CATSPERE: variants seen among roughly 807,000 people sequenced by gnomAD.
CATSPERE encodes the protein catsper channel auxiliary subunit epsilon.
Under a neutral mutation model 114.1 loss-of-function variants are expected in CATSPERE, and 93 were observed. The ratio of observed to expected loss-of-function variants is 0.81; its 90% CI spans 0.69 to 0.97. The LOEUF is 0.97. Among genes scored for constraint, CATSPERE ranks in the 50% least tolerant of loss-of-function variants. CATSPERE has a pLI of 0.00. For synonymous variants in CATSPERE, 341 were observed against 384.1 expected (o/e 0.89, Z 1.31); for missense variants, 1,058 against 1,131.6 (o/e 0.93, Z 0.93).
intron 20 of CATSPERE, among the ~76,000 whole-genome samples, chr1:244,621,934 T>C (rs930016873): frequency 1.3e-5 from 2 of 152,212 alleles, no homozygotes; most frequent in Admixed American, 6.5e-5. Context: ...TCCAAAAAGT[T>C]CAACTTCCAA....
chr1:244,490,793 A>T (rs992929136), intron 6 of CATSPERE, among the ~76,000 whole-genome samples: 10 of 152,136 alleles, frequency 6.6e-5, no homozygotes, highest in Non-Finnish European at 1.0e-4. Context: ...TAAAATATTG[A>T]GCATCCATTC....
upstream of CATSPERE, among the ~76,000 whole-genome samples, chr1:244,453,792 G>A (rs1375806014): frequency 6.6e-6 from 1 of 151,940 alleles, no homozygotes; most frequent in Non-Finnish European, 1.5e-5. Context: ...AGTATCCTAG[G>A]TGCTGCCAAC....
chr1:244,621,304 TAAA>T (rs1573050489), intron 20 of CATSPERE, among the ~76,000 whole-genome samples: 3 of 64,174 alleles, frequency 4.7e-5, no homozygotes, highest in Non-Finnish European at 6.1e-5. Context: ...TATAAATATA[TAAA>T]TATATAAAAT....
intron 6 of CATSPERE, among the ~76,000 whole-genome samples, chr1:244,496,614 G>C (rs1029498501): frequency 1.3e-5 from 2 of 152,128 alleles, no homozygotes; most frequent in Non-Finnish European, 2.9e-5. Context: ...CTGAAGGAAA[G>C]GCATACTATT....
intron 8 of CATSPERE, among the ~76,000 whole-genome samples, chr1:244,535,942 C>G (rs1453209891): frequency 6.6e-6 from 1 of 151,856 alleles, no homozygotes; most frequent in Non-Finnish European, 1.5e-5. Context: ...TGCTTAGCTA[C>G]CTCTGCTGTT....
At chr1:244,484,820 G>T (rs116401062) in intron 5 of CATSPERE, among the ~76,000 whole-genome samples, 182 of 152,220 alleles carry the variant, frequency 1.2e-3, no homozygotes, top group Non-Finnish European at 2.3e-3. Context: ...CTTTAGGGAA[G>T]ATTTCTTAGT....
chr1:244,610,179 T>G, intron 18 of CATSPERE, 61 bp from the exon 19 acceptor site: 1 of 1,073,210 alleles, frequency 9.3e-7, no homozygotes, highest in Non-Finnish European at 1.4e-6. Context: ...CATTAAATAC[T>G]TAGGAATAAG....
chr1:244,621,378 A>G (rs1403565406), intron 20 of CATSPERE, among the ~76,000 whole-genome samples: 2 of 141,962 alleles, frequency 1.4e-5, no homozygotes, highest in Non-Finnish European at 3.0e-5. Flanking sequence ...ATCTACACTC[A>G]ATAGATTTAA....
chr1:244,550,473 C>T (rs1439085756), intron 8 of CATSPERE, among the ~76,000 whole-genome samples: 2 of 152,070 alleles, frequency 1.3e-5, no homozygotes, highest in South Asian at 2.1e-4. Flanking sequence ...TGCCCTGTCC[C>T]GTCCTGTTTA....
In CATSPERE at chr1:244,560,565, AT is replaced by A. The variant is rs531032197; in HGVS notation, c.1030-100del. Reference sequence around the variant, plus strand: ...TTCCCCAAAAACCTATTGAAAGAAAATTTAAAAAAATAAAAAATAAAATTTA... The same window carrying A: ...TTCCCCAAAAACCTATTGAAAGAAAATTAAAAAAATAAAAAATAAAATTTA... On this transcript the variant is annotated intron_variant, in intron 9 of 21. Coordinates refer to ENST00000366534, the MANE Select transcript of CATSPERE (RefSeq NM_001130957.2). 53 of 665,564 alleles carry A rather than the reference AT, an allele frequency of 8.0e-5. No individual in the cohort carries two copies. In the Admixed American group the frequency reaches 1.7e-3, roughly 21 times the overall value. 41.2% of individuals were successfully genotyped at this position (665,564 alleles called of 1,614,324 possible).
At chr1:244,486,989 C>G (rs1030594794) in intron 5 of CATSPERE, among the ~76,000 whole-genome samples, 1 of 149,574 alleles carries the variant, frequency 6.7e-6, no homozygotes, top group African/African-American at 2.5e-5. Context: ...TGTAGACCCT[C>G]GTAGTCACCT....
intron 20 of CATSPERE, among the ~76,000 whole-genome samples, chr1:244,625,354 G>A (rs1417619736): frequency 1.3e-4 from 6 of 45,516 alleles, no homozygotes; most frequent in Non-Finnish European, 3.6e-4. Flanking sequence ...TTGTTTTTTG[G>A]GGGGGTTTAT....
chr1:244,526,162 C>G (rs1292656633), intron 8 of CATSPERE, among the ~76,000 whole-genome samples: 3 of 152,180 alleles, frequency 2.0e-5, no homozygotes, highest in African/African-American at 7.2e-5. Context: ...GTAATCCCAG[C>G]ATTGGGAGGC....
intron 4 of CATSPERE, among the ~76,000 whole-genome samples, chr1:244,478,260 T>A (rs1454332763): frequency 3.3e-5 from 5 of 152,224 alleles, no homozygotes; most frequent in Non-Finnish European, 7.3e-5. Flanking sequence ...ATAATAGGAC[T>A]CTCAGATTAG....
intron 8 of CATSPERE, among the ~76,000 whole-genome samples, chr1:244,546,929 G>A (rs1490055405): frequency 2.9e-5 from 1 of 34,050 alleles, no homozygotes; most frequent in East Asian, 0.056. Flanking sequence ...AAAGAAATAG[G>A]AAACTTTTGA....
chr1:244,535,099 G>C (rs1299106284), intron 8 of CATSPERE, among the ~76,000 whole-genome samples: 2 of 152,146 alleles, frequency 1.3e-5, no homozygotes, highest in Non-Finnish European at 2.9e-5. Flanking sequence ...CTTACTTTCT[G>C]CCAAACAAAC....
chr1:244,570,077 T>C (rs1440764684), intron 10 of CATSPERE, among the ~76,000 whole-genome samples: 5 of 152,212 alleles, frequency 3.3e-5, no homozygotes, highest in African/African-American at 1.2e-4. Flanking sequence ...TTGCAATATT[T>C]ATCTTCCCAA....
At chr1:244,451,342 C>G (rs541520712), upstream of CATSPERE, among the ~76,000 whole-genome samples, 6 of 152,290 alleles carry the variant, frequency 3.9e-5, no homozygotes, top group Admixed American at 2.6e-4. The surrounding 1 kb of genome is among the most constrained non-coding windows in gnomAD (Gnocchi z 6.6). Flanking sequence ...GAGCACCACT[C>G]GCCAGACGCA....
intron 7 of CATSPERE, among the ~76,000 whole-genome samples, chr1:244,502,666 C>A (rs909012147): frequency 6.6e-6 from 1 of 152,166 alleles, no homozygotes; most frequent in African/African-American, 2.4e-5. Context: ...CTGGGCTCCC[C>A]AGAAGTGTGC....
Sources: allele counts gnomAD v4.1 joint callset (sites outside exome capture counted in the v4.1 genomes callset), GRCh38; gene constraint gnomAD v4.1.1; non-coding constraint Gnocchi (gnomAD v3.1); transcripts MANE v1.5; gene names NCBI Gene and HGNC (gene_info 2026-07-23, HGNC 2026-07-21).